The following COL18A1 variants were observed in gnomAD, a reference collection of about 807,000 sequenced individuals.
COL18A1 encodes the protein collagen alpha-1(XVIII) chain.
Under a neutral mutation model 168.0 loss-of-function variants are expected in COL18A1, and 133 were observed. The ratio of observed to expected loss-of-function variants is 0.79; its 90% CI spans 0.69 to 0.91. The LOEUF (loss-of-function observed/expected upper bound fraction) is 0.91. COL18A1 is among the 40% of genes least tolerant of loss of function. COL18A1 has a pLI of 0.00. For missense variants in COL18A1, 2,126 were observed against 1,925.4 expected (o/e 1.10, Z -1.95); for synonymous variants, 949 against 809.0 (o/e 1.17, Z -2.94).
rs1368044539 is a variant in COL18A1, at chr21:45,476,421, G to T, written c.869G>T (p.Ser290Ile). 1.2e-6 allele frequency: 2 copies of T among 1,614,148 alleles called. No individual in the cohort carries two copies. Among genetic ancestry groups the T allele is most frequent in the Non-Finnish European group, 1.7e-6 (2 of 1,180,008 alleles). The change falls in exon 6 of 42, where the codon AGC becomes ATC. Residue 290 changes from serine (S) to isoleucine (I), a missense_variant. Coordinates refer to ENST00000651438, the MANE Select transcript of COL18A1 (RefSeq NM_001379500.1). ...ACGCCACCCTTGGCTGGAGGCAGCA[G>T]CACGGAAGATTCCAGAAGTGAAGAA... The part of the protein sequence containing the change: ...VTTPPLAGGS[S>I]TEDSRSEEVE...
intron 2 of COL18A1, among the ~76,000 whole-genome samples, chr21:45,434,611 A>C (rs2034049882): frequency 6.6e-6 from 1 of 151,852 alleles, no homozygotes; most frequent in Non-Finnish European, 1.5e-5. Context: ...AGAAGAACCC[A>C]GTGCATCTTC....
At chr21:45,419,374 C>T (rs751191098) in intron 2 of COL18A1, among the ~76,000 whole-genome samples, 6 of 151,976 alleles carry the variant, frequency 3.9e-5, no homozygotes, top group South Asian at 2.1e-4. Flanking sequence ...TGTGGTGACA[C>T]GATGCCGTGT....
intron 2 of COL18A1, chr21:45,421,755 C>T (rs984027068): frequency 7.9e-6 from 3 of 380,512 alleles, no homozygotes; most frequent in Middle Eastern, 9.7e-4. Flanking sequence ...AGGCAGTAGG[C>T]AGCCAGGTGG....
Position 45,507,599 on chromosome 21 carries a change from G to A in COL18A1, c.3249+6G>A. On this transcript the variant is annotated splice_donor_region_variant and intron_variant, in intron 38 of 41. Transcript: ENST00000651438. ...CACCACTCCCACGAGGGACGGTAAGGAGCCTTTTTTCTGTTGAGACTGGTG... is the reference window on the plus strand; with the variant it reads ...CACCACTCCCACGAGGGACGGTAAGAAGCCTTTTTTCTGTTGAGACTGGTG... The A allele has an allele frequency of 6.2e-7, 1 of 1,613,024 alleles. No homozygotes were observed. The highest frequency in any genetic ancestry group is 1.1e-5 in the South Asian group (1 of 91,028).
rs550223927 is a variant in COL18A1, at chr21:45,490,302, G to A, written c.1987G>A (p.Gly663Arg). Reference sequence around the variant, plus strand: ...AGAAGTTGGAGCAGATGGAGTCCCCGGGTTCCCCGGCCTCCCTGGCAGAGA... The same window carrying A: ...AGAAGTTGGAGCAGATGGAGTCCCCAGGTTCCCCGGCCTCCCTGGCAGAGA... Reference protein sequence around the residue: ...KGEVGADGVPGFPGLPGREGI... With the variant: ...KGEVGADGVPRFPGLPGREGI... The change falls in exon 20 of 42, where the codon GGG (glycine) becomes AGG (arginine). Residue 663 changes from glycine (G) to arginine (R), a missense_variant. By Grantham distance (125) the Gly-to-Arg change is moderately radical (BLOSUM62 -2). Transcript: ENST00000651438. 1.6e-5 allele frequency: 25 copies of A among 1,587,830 alleles called. No individual in the cohort carries two copies. The highest frequency in any genetic ancestry group is 2.0e-5 in the Non-Finnish European group (23 of 1,168,034).
intron 14 of COL18A1, chr21:45,482,458 G>A: frequency 1.8e-6 from 1 of 560,548 alleles, no homozygotes; most frequent in South Asian, 1.8e-5. Context: ...GCTTTGGACT[G>A]AGCAGGGGAC....
intron 2 of COL18A1, chr21:45,467,242 T>C (rs1372041659): frequency 9.1e-6 from 9 of 985,424 alleles, no homozygotes; most frequent in Non-Finnish European, 9.6e-6. Context: ...GCACCGGGGC[T>C]GCGTCCTGGC....
intron 15 of COL18A1, among the ~76,000 whole-genome samples, chr21:45,486,112 T>G (rs2036100752): frequency 6.6e-6 from 1 of 152,182 alleles, no homozygotes; most frequent in East Asian, 1.9e-4. Flanking sequence ...GGGCCTTGGG[T>G]CACCGATGGC....
intron 2 of COL18A1, 94 bp downstream of exon 2, chr21:45,405,567 C>T (rs913629811): frequency 2.6e-6 from 2 of 776,462 alleles, no homozygotes; most frequent in South Asian, 9.3e-5. Flanking sequence ...ACCCCCGCCC[C>T]GGCCGCTCTG....
At chr21:45,491,171 G>T in intron 21 of COL18A1, 54 bp from the exon 22 acceptor site, 1 of 1,470,588 alleles carries the variant, frequency 6.8e-7, no homozygotes, top group South Asian at 1.1e-5. Context: ...GGACTCTGGG[G>T]TCCTGGCCAG....
chr21:45,510,939 A>AC (rs2037543294), intron 40 of COL18A1, among the ~76,000 whole-genome samples, 172 bp from the exon 41 acceptor site: 2 of 28,598 alleles, frequency 7.0e-5, no homozygotes, highest in African/African-American at 4.8e-4. Context: ...CCCCAAAAAA[A>AC]CACACACCCA....
chr21:45,437,370 ACT>A lies in COL18A1; in HGVS notation c.107-30870_107-30869del, dbSNP rs766732410. Among the ~76,000 whole-genome samples, 11 of 119,144 alleles carry A rather than the reference ACT, an allele frequency of 9.2e-5. 1 individual carries two copies. The highest frequency in any genetic ancestry group is 2.7e-4 in the East Asian group (1 of 3,648). The allele number at this position is 119,144 out of a possible 152,430, so 78.2% of individuals were successfully genotyped here. A position where few individuals can be genotyped will look rare whatever the true frequency, so the allele number is the denominator to read the frequency against. ...GGCACTCTCCTGCGCACACACACAC[ACT>A]CAGACACACAGGCACTCTCCTGCAC... On this transcript the variant is annotated intron_variant, in intron 2 of 41. Coordinates refer to ENST00000651438, the MANE Select transcript of COL18A1 (RefSeq NM_001379500.1).
At chr21:45,509,805 C>T (rs2037464211) in intron 39 of COL18A1, among the ~76,000 whole-genome samples, 1 of 152,186 alleles carries the variant, frequency 6.6e-6, no homozygotes, top group South Asian at 2.1e-4. Flanking sequence ...AAAGTCCAGC[C>T]GCTGTCACAT....
chr21:45,437,103 G>GCACA (rs138191311), intron 2 of COL18A1, among the ~76,000 whole-genome samples: 7,026 of 114,362 alleles, frequency 0.061, 410 homozygotes, highest in East Asian at 0.096. Flanking sequence ...GCACTCTCCT[G>GCACA]CACACACACT....
At chr21:45,414,618 C>T (rs980930627) in intron 2 of COL18A1, among the ~76,000 whole-genome samples, 30 of 152,222 alleles carry the variant, frequency 2.0e-4, no homozygotes, top group South Asian at 6.2e-4. Flanking sequence ...GGCCATGCTC[C>T]GGGCATGTGG....
chr21:45,486,912 G>C lies in COL18A1; in HGVS notation c.1753G>C (p.Ala585Pro). The change falls in exon 16 of 42, where the codon GCA becomes CCA. Residue 585 changes from alanine to proline, a missense_variant. Coordinates refer to ENST00000651438, the MANE Select transcript of COL18A1 (RefSeq NM_001379500.1). ...PAGARGESGL[A>P]GAPGPAGPPG... ...TGGTGCTCGTGGGGAGAGCGGCCTG[G>C]CAGGAGCCCCCGGACCTGCTGGACC... 6.6e-7 allele frequency: 1 copy of C among 1,523,826 alleles called. No individual in the cohort carries two copies. The highest frequency in any genetic ancestry group is 8.8e-7 in the Non-Finnish European group (1 of 1,136,528). The allele number at this position is 1,523,826 out of a possible 1,614,324, so 94.4% of individuals were successfully genotyped here. A position where few individuals can be genotyped will look rare whatever the true frequency, so the allele number is the denominator to read the frequency against.
Position 45,510,078 on chromosome 21 carries a change from G to A in COL18A1, c.3510G>A (p.Ala1170=), listed in dbSNP as rs374326288. The change falls in exon 40 of 42, where the codon GCG becomes GCA. Residue 1170 remains alanine, a synonymous_variant. Transcript: ENST00000651438. Reference sequence around the variant, plus strand: ...TCTCCCCGCAGCTCCACCTGGTTGCGCTCAACAGCCCCCTGTCAGGCGGCA... The same window carrying A: ...TCTCCCCGCAGCTCCACCTGGTTGCACTCAACAGCCCCCTGTCAGGCGGCA... The part of the protein sequence containing the change: ...RDFQPVLHLV[A]LNSPLSGGMR... 7.9e-4 allele frequency: 1,250 copies of A among 1,576,468 alleles called. 1 individual carries two copies. The highest frequency in any genetic ancestry group is 1.0e-3 in the Middle Eastern group (5 of 4,842).
Position 45,413,333 on chromosome 21 carries a change from G to A in COL18A1, c.106+7860G>A, listed in dbSNP as rs562899824. Among the ~76,000 whole-genome samples, 11 of 152,358 alleles carry A rather than the reference G, an allele frequency of 7.2e-5. No homozygotes were observed. The East Asian group carries it at 7.7e-4, about 11-fold the overall frequency. ...CCTCCTCCAGCCGCGCTACGTGTCC[G>A]CAGGCCAGGGCGCCTGCACCATGAC... On this transcript the variant is annotated intron_variant, in intron 2 of 41. Coordinates refer to ENST00000651438, the MANE Select transcript of COL18A1 (RefSeq NM_001379500.1).
rs1261107453 is a variant in COL18A1 at position 45,512,228 on chromosome 21, C to T, written c.3850C>T (p.Arg1284Cys). 19 of 1,612,296 alleles carry T rather than the reference C, an allele frequency of 1.2e-5. No homozygotes were observed. Among genetic ancestry groups the T allele is most frequent in the East Asian group, 4.5e-5 (2 of 44,866 alleles). The change falls in exon 42 of 42, where the codon CGC (arginine) becomes TGC (cysteine). Residue 1284 changes from arginine (R) to cysteine (C), a missense_variant. Coordinates refer to ENST00000651438, the MANE Select transcript of COL18A1 (RefSeq NM_001379500.1). ...GTGGCATGGCTCGGACCCCAACGGGCGCAGGCTGACCGAGAGCTACTGTGA... is the reference window on the plus strand; with the variant it reads ...GTGGCATGGCTCGGACCCCAACGGGTGCAGGCTGACCGAGAGCTACTGTGA... ...SVWHGSDPNG[R>C]RLTESYCETW... is the part of the protein sequence containing the mutation.
Sources: gnomAD v4.1 joint callset for allele counts (sites outside exome capture counted in the v4.1 genomes callset) on GRCh38, gnomAD v4.1.1 for gene constraint, MANE v1.5 for transcripts, NCBI Gene and HGNC (gene_info 2026-07-23, HGNC 2026-07-21) for gene names.